Variants in SPTBN1 observed in about 807,000 individuals in gnomAD.
SPTBN1 encodes spectrin beta, non-erythrocytic 1.
Under a neutral mutation model 266.4 loss-of-function variants are expected in SPTBN1, and 32 were observed. The observed-to-expected ratio is 0.12, with a 90% CI of 0.09 to 0.16. The LOEUF (loss-of-function observed/expected upper bound fraction) is 0.16, where lower values mean the gene tolerates loss of function less well. SPTBN1 is among the 10% of genes least tolerant of loss of function. SPTBN1 has a pLI of 1.00. For missense variants in SPTBN1, 2,296 were observed against 3,067.1 expected (o/e 0.75, Z 5.94); for synonymous variants, 1,336 against 1,162.2 (o/e 1.15, Z -3.04).
chr2:54,601,957 T>C (rs565419245), intron 3 of SPTBN1, among the ~76,000 whole-genome samples: 2 of 152,276 alleles, frequency 1.3e-5, no homozygotes, highest in South Asian at 4.2e-4. Flanking sequence ...GAACTTGATT[T>C]TGAACTACTC....
chr2:54,576,306 G>A (rs1205292614), intron 2 of SPTBN1, among the ~76,000 whole-genome samples: 3 of 151,868 alleles, frequency 2.0e-5, no homozygotes, highest in Non-Finnish European at 4.4e-5. Flanking sequence ...CACCCACCTC[G>A]GCCTCCCAAA....
intron 1 of SPTBN1, among the ~76,000 whole-genome samples, chr2:54,515,251 G>T (rs549875323): frequency 6.6e-6 from 1 of 152,226 alleles, no homozygotes; most frequent in South Asian, 2.1e-4. Context: ...CCCCTACCCA[G>T]CAAATTATCC....
In SPTBN1 at chr2:54,645,007, T is replaced by G. The variant is rs1427457678; in HGVS notation, c.4270-222T>G. On this transcript the variant is annotated intron_variant, in intron 20 of 35. Coordinates refer to ENST00000356805, the MANE Select transcript of SPTBN1 (RefSeq NM_003128.3). This position sits in a 1 kb window ranked among gnomAD's most constrained non-coding sequence, Gnocchi z 4.3. ...TAGGTAATAAAAATAACTGTTTATA[T>G]TATATCACCGTAGAGGGCTTTAAGG... The G allele has an allele frequency of 3.5e-6, 2 of 565,090 alleles. No individual in the cohort carries two copies. The highest frequency in any genetic ancestry group is 3.7e-5 in the African/African-American group (2 of 53,340). 35.0% of individuals were successfully genotyped at this position (565,090 alleles called of 1,614,324 possible). A position where few individuals can be genotyped will look rare whatever the true frequency, so the allele number is the denominator to read the frequency against.
intron 3 of SPTBN1, among the ~76,000 whole-genome samples, chr2:54,610,275 G>A (rs1160713733): frequency 6.6e-6 from 1 of 152,182 alleles, no homozygotes; most frequent in Non-Finnish European, 1.5e-5. Flanking sequence ...CTTTGCTGGT[G>A]TTACATTCTC....
intron 1 of SPTBN1, among the ~76,000 whole-genome samples, chr2:54,458,977 C>G (rs1377815451): frequency 6.6e-6 from 1 of 152,132 alleles, no homozygotes; most frequent in African/African-American, 2.4e-5. Flanking sequence ...TCTCTAATAG[C>G]CATTAAAATA....
At chr2:54,504,769 TAATAAGC>T (rs1383287684) in intron 1 of SPTBN1, among the ~76,000 whole-genome samples, 1 of 152,166 alleles carries the variant, frequency 6.6e-6, no homozygotes, top group African/African-American at 2.4e-5. Context: ...GTTTTTTTTT[TAATAAGC>T]AAATGTTTTA....
chr2:54,493,044 T>C (rs948405645), intron 1 of SPTBN1, among the ~76,000 whole-genome samples: 1 of 147,624 alleles, frequency 6.8e-6, no homozygotes, highest in Admixed American at 6.9e-5. Context: ...CTCACTCTAT[T>C]GCCCAGACTG....
rs143828137 is a variant in SPTBN1 at position 54,656,420 on chromosome 2, G to T, written c.6046+422G>T. Among the ~76,000 whole-genome samples, 200 of 152,310 alleles carry T rather than the reference G, an allele frequency of 1.3e-3. 3 individuals are homozygous for T. The South Asian group carries it at 0.037, about 28-fold the overall frequency. On this transcript the variant is annotated intron_variant, in intron 29 of 35. Coordinates refer to ENST00000356805, the MANE Select transcript of SPTBN1 (RefSeq NM_003128.3). ...CATCTATTAAAATTTTGCTGTGAAT[G>T]AGGCATTGTTCTAAGTGGTTTTTTA...
chr2:54,541,838 A>T (rs888643360), intron 2 of SPTBN1, among the ~76,000 whole-genome samples: 7 of 152,228 alleles, frequency 4.6e-5, no homozygotes, highest in African/African-American at 1.7e-4. Context: ...ACATAAATGT[A>T]TGTTTATGGG....
At position 54,653,540 on chromosome 2, in the gene SPTBN1, T is replaced by C. The variant is rs944209981; in HGVS notation, c.5578-69T>C. The C allele has an allele frequency of 3.2e-6, 5 of 1,580,952 alleles. No individual in the cohort carries two copies. The Admixed American group carries it at 5.8e-5, about 18-fold the overall frequency. On this transcript the variant is annotated intron_variant, in intron 26 of 35. Coordinates refer to ENST00000356805, the MANE Select transcript of SPTBN1 (RefSeq NM_003128.3). This position sits in a 1 kb window ranked among gnomAD's most constrained non-coding sequence, Gnocchi z 5.1. The stretch of plus-strand genomic sequence containing the variant: ...CCTTTAGTGTATGAGCAGAACAGAA[T>C]AGGGCTTGGGGTGATGGTGGGAAGG...
chr2:54,479,053 C>T (rs1285744093), intron 1 of SPTBN1, among the ~76,000 whole-genome samples: 1 of 152,078 alleles, frequency 6.6e-6, no homozygotes, highest in Non-Finnish European at 1.5e-5. Flanking sequence ...CCTGGCCAGG[C>T]TGAAGGAAAG....
Position 54,622,428 on chromosome 2 carries a change from C to T in SPTBN1, c.1005C>T (p.Val335=), listed in dbSNP as rs777817390. Reference sequence around the variant, plus strand: ...ATCGCAAATTTGCCAATTCACTGGTCGGGGTTCAACAGCAGCTTCAGGCAT... The same window carrying T: ...ATCGCAAATTTGCCAATTCACTGGTTGGGGTTCAACAGCAGCTTCAGGCAT... ...LNNRKFANSL[V]GVQQQLQAFN... Residue 335 remains valine, a synonymous_variant, in exon 9 of 36, where the codon GTC becomes GTT. Coordinates refer to ENST00000356805, the MANE Select transcript of SPTBN1 (RefSeq NM_003128.3). 9.8e-5 allele frequency: 158 copies of T among 1,614,018 alleles called. No homozygotes were observed. The highest frequency in any genetic ancestry group is 3.3e-4 in the Middle Eastern group (2 of 6,084).
intron 1 of SPTBN1, among the ~76,000 whole-genome samples, chr2:54,469,845 C>A (rs1693826811): frequency 6.6e-6 from 1 of 152,312 alleles, no homozygotes; most frequent in East Asian, 1.9e-4. Context: ...CAAGTCTGTG[C>A]TGCCAGTTGT....
intron 11 of SPTBN1, among the ~76,000 whole-genome samples, chr2:54,625,449 G>A (rs998935583): frequency 6.6e-6 from 1 of 152,070 alleles, no homozygotes; most frequent in Non-Finnish European, 1.5e-5. Flanking sequence ...CTAAGCTCAA[G>A]GCAGAGACCA....
chr2:54,639,573 C>T (rs1679387392), intron 18 of SPTBN1, among the ~76,000 whole-genome samples: 1 of 152,224 alleles, frequency 6.6e-6, no homozygotes, highest in Admixed American at 6.5e-5. Flanking sequence ...TTTGAAATTT[C>T]CAGTCTCTTA....
chr2:54,522,307 C>T (rs888382466), intron 1 of SPTBN1, among the ~76,000 whole-genome samples: 1 of 152,040 alleles, frequency 6.6e-6, no homozygotes, highest in Non-Finnish European at 1.5e-5. Flanking sequence ...TTCTTTTAAG[C>T]TTAAGACAAG....
chr2:54,554,731 C>A lies in SPTBN1; in HGVS notation c.148+28165C>A, dbSNP rs1460115843. ...TCTGGACTTGAGTCTTTCCACCAGC[C>A]CACAGCACTTTTGATCTGTTCCATC... On this transcript the variant is annotated intron_variant, in intron 2 of 35. Transcript: ENST00000356805. The surrounding 1 kb of genome is among the most constrained non-coding windows in gnomAD (Gnocchi z 4.5). Among the ~76,000 whole-genome samples, 2 of 152,118 alleles carry A rather than the reference C, an allele frequency of 1.3e-5. No individual in the cohort carries two copies. Among genetic ancestry groups the A allele is most frequent in the African/African-American group, 4.8e-5 (2 of 41,420 alleles).
intron 1 of SPTBN1, among the ~76,000 whole-genome samples, chr2:54,470,828 C>T (rs72913043): frequency 0.032 from 4,822 of 152,140 alleles, 291 homozygotes; most frequent in African/African-American, 0.11. Context: ...CTGTTCTTTT[C>T]GCAGAGTTAA....
intron 2 of SPTBN1, among the ~76,000 whole-genome samples, chr2:54,536,503 T>C (rs1255755161): frequency 6.6e-6 from 1 of 152,234 alleles, no homozygotes; most frequent in Non-Finnish European, 1.5e-5. Context: ...AAGATAGTTG[T>C]GATTATTAAG....
Sources: allele counts gnomAD v4.1 joint callset (sites outside exome capture counted in the v4.1 genomes callset), GRCh38; gene constraint gnomAD v4.1.1; non-coding constraint Gnocchi (gnomAD v3.1); transcripts MANE v1.5; gene names NCBI Gene and HGNC (gene_info 2026-07-23, HGNC 2026-07-21).